SGCZ: variants seen among roughly 807,000 people sequenced by gnomAD.
The protein encoded by SGCZ is zeta-sarcoglycan.
SGCZ carries 40 observed loss-of-function variants against 41.3 expected under a neutral mutation model. The ratio of observed to expected loss-of-function variants is 0.97; its 90% CI spans 0.75 to 1.26. The LOEUF (loss-of-function observed/expected upper bound fraction) is 1.26. SGCZ is among the 50% of genes most tolerant of loss of function. The pLI is 0.00. For synonymous variants in SGCZ, 206 were observed against 137.5 expected (o/e 1.50, Z -3.49); for missense variants, 552 against 369.8 (o/e 1.49, Z -4.04).
chr8:14,254,867 A>T (rs1261665999), intron 3 of SGCZ, among the ~76,000 whole-genome samples: 3 of 152,220 alleles, frequency 2.0e-5, no homozygotes, highest in African/African-American at 4.8e-5. Context: ...TTATATTCAC[A>T]TTCTGCACTG....
chr8:15,189,075 TG>T (rs1409612779), intron 1 of SGCZ, among the ~76,000 whole-genome samples: 1 of 152,160 alleles, frequency 6.6e-6, no homozygotes, highest in East Asian at 1.9e-4. Context: ...CACAAATATT[TG>T]TGTTTTTTAA....
intron 1 of SGCZ, among the ~76,000 whole-genome samples, chr8:14,658,213 T>C (rs1164904810): frequency 1.3e-5 from 2 of 152,188 alleles, no homozygotes; most frequent in Non-Finnish European, 2.9e-5. Flanking sequence ...TCCTCTTTGT[T>C]ATACCTCACA....
In SGCZ at chr8:14,237,659, C is replaced by G; in HGVS notation, c.357G>C (p.Gln119His). The change falls in exon 4 of 8, where the codon CAG becomes CAC. Residue 119 changes from glutamine to histidine, a missense_variant. Physicochemically the swap from Gln to His is conservative, Grantham distance 24 (BLOSUM62 0). Transcript: ENST00000382080. ...HSRKDSPLVL[Q>H]SDRNVTVNAR... ...CATTCACTGTGACATTCCTGTCAGACTGTAAGACCAGCGGACTATCCTGGG... is the reference window on the plus strand; with the variant it reads ...CATTCACTGTGACATTCCTGTCAGAGTGTAAGACCAGCGGACTATCCTGGG... 1 of 1,613,844 alleles carries G rather than the reference C, an allele frequency of 6.2e-7. No individual in the cohort carries two copies.
rs79668567 is a variant in SGCZ, at chr8:14,529,410, C to A, written c.234+25322G>T. Among the ~76,000 whole-genome samples the A allele has an allele frequency of 5.0e-4, 76 of 152,244 alleles. No individual in the cohort carries two copies. The East Asian group carries it at 0.014, about 28-fold the overall frequency. On this transcript the variant is annotated intron_variant, in intron 2 of 7. Transcript: ENST00000382080. ...GCCAGGGGCTGGCATGCGTGATCAG[C>A]ATGAAAGCAAATGTGCCACATTGTT... is the stretch of plus-strand genomic sequence containing the variant.
At chr8:14,738,172 T>C (rs893022790) in intron 1 of SGCZ, among the ~76,000 whole-genome samples, 5 of 152,064 alleles carry the variant, frequency 3.3e-5, no homozygotes, top group Non-Finnish European at 5.9e-5. Flanking sequence ...CTACTTTATA[T>C]TACAAAAAAT....
At chr8:15,177,668 T>G (rs1800040453) in intron 1 of SGCZ, among the ~76,000 whole-genome samples, 1 of 152,208 alleles carries the variant, frequency 6.6e-6, no homozygotes, top group African/African-American at 2.4e-5. Context: ...AAATGTATAA[T>G]GGGCAATCTG....
At chr8:14,410,274 T>G (rs567032255) in intron 2 of SGCZ, among the ~76,000 whole-genome samples, 1 of 152,040 alleles carries the variant, frequency 6.6e-6, no homozygotes, top group African/African-American at 2.4e-5. Flanking sequence ...CCATCCCTGA[T>G]GCCAAAAAGT....
At chr8:14,586,007 G>A (rs546893324) in intron 1 of SGCZ, among the ~76,000 whole-genome samples, 8 of 152,016 alleles carry the variant, frequency 5.3e-5, no homozygotes, top group Non-Finnish European at 1.2e-4. Flanking sequence ...AAGAATGGGG[G>A]CAATCATGTA....
At chr8:14,657,311 G>C (rs1272425446) in intron 1 of SGCZ, among the ~76,000 whole-genome samples, 2 of 152,030 alleles carry the variant, frequency 1.3e-5, no homozygotes, top group African/African-American at 4.8e-5. Flanking sequence ...AGTGAGAAAA[G>C]GGGGAGGTCA....
At position 14,500,055 on chromosome 8, in the gene SGCZ, G is replaced by T. The variant is rs1585598830; in HGVS notation, c.234+54677C>A. 2.6e-5 allele frequency among the ~76,000 whole-genome samples: 4 copies of T among 152,140 alleles called. No individual in the cohort carries two copies. The South Asian group carries it at 8.3e-4, about 32-fold the overall frequency. On this transcript the variant is annotated intron_variant, in intron 2 of 7. Transcript: ENST00000382080. ...TTGCCTCTAGTTTAAAACCTTTAGA[G>T]CACCCATTAAAAGGGTACTTGAAAA...
intron 1 of SGCZ, among the ~76,000 whole-genome samples, chr8:14,748,174 C>A: frequency 6.6e-6 from 1 of 152,058 alleles, no homozygotes; most frequent in East Asian, 1.9e-4. Flanking sequence ...TAATATATCA[C>A]TGTGCTGAGG....
At chr8:14,448,153 G>C (rs1403769587) in intron 2 of SGCZ, among the ~76,000 whole-genome samples, 1 of 152,156 alleles carries the variant, frequency 6.6e-6, no homozygotes, top group Non-Finnish European at 1.5e-5. Context: ...ATATCCACAA[G>C]AAAGCACAAG....
intron 4 of SGCZ, among the ~76,000 whole-genome samples, chr8:14,228,075 G>A (rs998791618): frequency 2.6e-5 from 4 of 151,964 alleles, no homozygotes; most frequent in Non-Finnish European, 4.4e-5. Context: ...ATTTTATTTA[G>A]CTTCCTGCCT....
chr8:15,207,632 A>G (rs1331364044), intron 1 of SGCZ, among the ~76,000 whole-genome samples: 1 of 152,216 alleles, frequency 6.6e-6, no homozygotes, highest in Non-Finnish European at 1.5e-5. Flanking sequence ...TGACAGCAGC[A>G]ATCACAAGGA....
In SGCZ at chr8:14,530,840, T is replaced by A. The variant is rs372246972; in HGVS notation, c.234+23892A>T. 2.5e-4 allele frequency among the ~76,000 whole-genome samples: 38 copies of A among 152,234 alleles called. No individual in the cohort carries two copies. The East Asian group carries it at 6.8e-3, about 27-fold the overall frequency. ...TCTTTTAAAAAAGAATGATTTTTAA[T>A]AGTTCTTGTAGTGATAAATTATCAG... On this transcript the variant is annotated intron_variant, in intron 2 of 7. Transcript: ENST00000382080.
intron 2 of SGCZ, among the ~76,000 whole-genome samples, chr8:14,404,159 A>G (rs943246006): frequency 1.3e-5 from 2 of 152,196 alleles, no homozygotes; most frequent in African/African-American, 2.4e-5. Flanking sequence ...TTTTACTCTC[A>G]TAACAATCAC....
Position 14,533,363 on chromosome 8 carries a change from A to C in SGCZ, c.234+21369T>G, listed in dbSNP as rs188116603. On this transcript the variant is annotated intron_variant, in intron 2 of 7. Transcript: ENST00000382080. Reference sequence around the variant, plus strand: ...AAATTGGACCTTTTCTTATCAAATTAAAATATTTAAAGGCTCAGTGGAAAT... The same window carrying C: ...AAATTGGACCTTTTCTTATCAAATTCAAATATTTAAAGGCTCAGTGGAAAT... 2.7e-3 allele frequency among the ~76,000 whole-genome samples: 405 copies of C among 152,214 alleles called. 1 individual carries two copies. The highest frequency in any genetic ancestry group is 5.0e-3 in the Admixed American group (76 of 15,252).
At chr8:14,355,208 A>G (rs896423777) in intron 2 of SGCZ, among the ~76,000 whole-genome samples, 1 of 152,088 alleles carries the variant, frequency 6.6e-6, no homozygotes, top group Non-Finnish European at 1.5e-5. Context: ...ATGTTTCATT[A>G]TAACTATGTC....
At chr8:14,698,297 G>C (rs959329990) in intron 1 of SGCZ, among the ~76,000 whole-genome samples, 1 of 151,740 alleles carries the variant, frequency 6.6e-6, no homozygotes, top group African/African-American at 2.4e-5. Flanking sequence ...GATCCCATTA[G>C]CTGGCCTTAG....
Sources: gnomAD v4.1 joint callset for allele counts (sites outside exome capture counted in the v4.1 genomes callset) on GRCh38, gnomAD v4.1.1 for gene constraint, MANE v1.5 for transcripts, NCBI Gene and HGNC (gene_info 2026-07-23, HGNC 2026-07-21) for gene names.